Variants in PTPRN2 observed in about 807,000 individuals in gnomAD.
The protein encoded by PTPRN2 is protein tyrosine phosphatase receptor type N2.
A neutral mutation model predicts 118.8 loss-of-function variants in PTPRN2; 74 were observed. The observed-to-expected ratio is 0.62, with a 90% CI of 0.52 to 0.76. The LOEUF (loss-of-function observed/expected upper bound fraction) is 0.76. Among genes scored for constraint, PTPRN2 ranks in the 30% least tolerant of loss-of-function variants. The pLI is 0.00. For synonymous variants in PTPRN2, 641 were observed against 608.0 expected, an observed-to-expected ratio of 1.05 and a Z score of -0.80; for missense variants, 1,481 against 1,394.4, an observed-to-expected ratio of 1.06 and a Z score of -0.99.
At chr7:158,193,102 G>A (rs376211946) in intron 4 of PTPRN2, among the ~76,000 whole-genome samples, 10 of 152,208 alleles carry the variant, frequency 6.6e-5, no homozygotes, top group Admixed American at 2.0e-4. Context: ...CCGCCATCGC[G>A]TGCACCATGC....
At chr7:158,251,825 TTAA>T (rs1236481564) in intron 3 of PTPRN2, among the ~76,000 whole-genome samples, 7 of 152,102 alleles carry the variant, frequency 4.6e-5, no homozygotes, top group Admixed American at 6.6e-5. Flanking sequence ...GACACACACC[TTAA>T]TAAAGCCCAG....
At chr7:157,652,881 G>A (rs1382561165) in intron 14 of PTPRN2, among the ~76,000 whole-genome samples, 1 of 152,216 alleles carries the variant, frequency 6.6e-6, no homozygotes, top group Non-Finnish European at 1.5e-5. Context: ...TGTTACTCCG[G>A]GTCTCCAGCA....
chr7:158,174,380 C>T (rs141019541), intron 5 of PTPRN2, among the ~76,000 whole-genome samples: 29 of 152,008 alleles, frequency 1.9e-4, no homozygotes, highest in Non-Finnish European at 3.5e-4. Flanking sequence ...AGCATCCCCA[C>T]CATCATCATC....
At chr7:157,549,374 C>T (rs756794981) in intron 21 of PTPRN2, among the ~76,000 whole-genome samples, 9 of 150,714 alleles carry the variant, frequency 6.0e-5, no homozygotes, top group African/African-American at 1.7e-4. Flanking sequence ...CATAGGGAGC[C>T]ATATACGAAC....
At chr7:157,954,184 T>C (rs1413216428) in intron 11 of PTPRN2, among the ~76,000 whole-genome samples, 1 of 84,374 alleles carries the variant, frequency 1.2e-5, no homozygotes, top group Non-Finnish European at 2.7e-5. Context: ...GTGGTGTGTG[T>C]GGTACATGTG....
intron 11 of PTPRN2, among the ~76,000 whole-genome samples, chr7:157,955,575 C>T (rs1463785295): frequency 6.6e-6 from 1 of 152,218 alleles, no homozygotes; most frequent in East Asian, 1.9e-4. Context: ...CCAGACAGCA[C>T]ACAGCAGGAG....
intron 11 of PTPRN2, among the ~76,000 whole-genome samples, chr7:158,013,292 T>C (rs1401907076): frequency 6.6e-6 from 1 of 152,216 alleles, no homozygotes; most frequent in African/African-American, 2.4e-5. Context: ...TTGGCAAGTT[T>C]CCAAGAGAGT....
At chr7:158,302,210 C>A (rs924835568) in intron 3 of PTPRN2, among the ~76,000 whole-genome samples, 1 of 152,198 alleles carries the variant, frequency 6.6e-6, no homozygotes, top group African/African-American at 2.4e-5. Flanking sequence ...GCATCCTCTC[C>A]CCAGACACCA....
intron 2 of PTPRN2, among the ~76,000 whole-genome samples, chr7:158,387,577 A>ACTCTCTGGGTCCTGGGG (rs1586542379): frequency 3.1e-3 from 467 of 150,868 alleles, no homozygotes; most frequent in Admixed American, 4.0e-3. Context: ...CTGTCAGCTC[A>ACTCTCTGGGTCCTGGGG]GCTTGGCCCG....
chr7:158,071,582 CCT>C (rs1563392138), intron 11 of PTPRN2, among the ~76,000 whole-genome samples: 23 of 7,508 alleles, frequency 3.1e-3, no homozygotes, highest in South Asian at 0.015. Flanking sequence ...TGGAGGTGCT[CCT>C]GGTGGAGGTG....
At chr7:158,116,810 T>A (rs1816765406) in intron 9 of PTPRN2, among the ~76,000 whole-genome samples, 1 of 152,112 alleles carries the variant, frequency 6.6e-6, no homozygotes, top group South Asian at 2.1e-4. Flanking sequence ...AGTAACTGAA[T>A]ATACAGGGAA....
intron 2 of PTPRN2, among the ~76,000 whole-genome samples, chr7:158,417,965 C>G (rs1273761469): frequency 2.0e-5 from 3 of 149,066 alleles, no homozygotes; most frequent in Admixed American, 6.7e-5. Flanking sequence ...TCGAGATGCT[C>G]TAGCTCTCAG....
intron 2 of PTPRN2, among the ~76,000 whole-genome samples, chr7:158,347,215 G>A (rs933320540): frequency 1.3e-5 from 2 of 152,188 alleles, no homozygotes; most frequent in African/African-American, 2.4e-5. Context: ...ATTTCTTCTA[G>A]TAGTTTTACA....
intron 9 of PTPRN2, among the ~76,000 whole-genome samples, chr7:158,132,604 T>C (rs111073100): frequency 0.13 from 3,209 of 24,606 alleles, 97 homozygotes; most frequent in African/African-American, 0.41. Context: ...CACAGATACA[T>C]GTCTACCCAA....
At position 158,438,366 on chromosome 7, in the gene PTPRN2, A is replaced by G. The variant is rs566232751; in HGVS notation, c.163+51369T>C. ...GCAACAGAGTGGGACTCCATCTCAAAAAAAAAAAAGAAAAAGTTTTATTTT... is the reference window on the plus strand; with the variant it reads ...GCAACAGAGTGGGACTCCATCTCAAGAAAAAAAAAGAAAAAGTTTTATTTT... On this transcript the variant is annotated intron_variant, in intron 2 of 22. Transcript: ENST00000389418. The surrounding 1 kb of genome is among the most constrained non-coding windows in gnomAD (Gnocchi z 4.7). Among the ~76,000 whole-genome samples, 46 of 151,908 alleles carry G rather than the reference A, an allele frequency of 3.0e-4. No individual in the cohort carries two copies. Among genetic ancestry groups the G allele is most frequent in the Non-Finnish European group, 5.9e-4 (40 of 67,958 alleles).
chr7:158,331,657 A>C (rs1586303982), intron 2 of PTPRN2, among the ~76,000 whole-genome samples: 1 of 147,728 alleles, frequency 6.8e-6, no homozygotes, highest in Non-Finnish European at 1.5e-5. Context: ...TGCAGACGTC[A>C]CTCACGCCGA....
chr7:157,987,196 G>C lies in PTPRN2; in HGVS notation c.1724-88459C>G, dbSNP rs1803868678. ...AGATTCCATTTCTTCCTGGGATTAG[G>C]AAGCACGAAGTGTCCAGATCTGCTT... On this transcript the variant is annotated intron_variant, in intron 11 of 22. Coordinates refer to ENST00000389418, the MANE Select transcript of PTPRN2 (RefSeq NM_002847.5). This position sits in a 1 kb window ranked among gnomAD's most constrained non-coding sequence, Gnocchi z 4.3. 6.6e-6 allele frequency among the ~76,000 whole-genome samples: 1 copy of C among 152,294 alleles called. No homozygotes were observed. Among genetic ancestry groups the C allele is most frequent in the South Asian group, 2.1e-4 (1 of 4,824 alleles).
chr7:157,733,030 C>G (rs375145868), intron 12 of PTPRN2, among the ~76,000 whole-genome samples: 5 of 30,970 alleles, frequency 1.6e-4, no homozygotes, highest in Admixed American at 3.0e-4. Flanking sequence ...TCCCGTCCCA[C>G]GCGCCCAGCA....
intron 11 of PTPRN2, among the ~76,000 whole-genome samples, chr7:158,053,667 A>C (rs576675703): frequency 6.6e-6 from 1 of 151,906 alleles, no homozygotes; most frequent in East Asian, 1.9e-4. Context: ...CTTGTAAATA[A>C]GCTGTGGGAC....
Sources: allele counts gnomAD v4.1 joint callset (sites outside exome capture counted in the v4.1 genomes callset), GRCh38; gene constraint gnomAD v4.1.1; non-coding constraint Gnocchi (gnomAD v3.1); transcripts MANE v1.5; gene names NCBI Gene and HGNC (gene_info 2026-07-23, HGNC 2026-07-21).